DOK6: variants seen among roughly 807,000 people sequenced by gnomAD.
The protein encoded by DOK6 is docking protein 6.
Under a neutral mutation model 44.0 loss-of-function variants are expected in DOK6, and 22 were observed. The ratio of observed to expected loss-of-function variants is 0.50; its 90% confidence interval spans 0.36 to 0.71. DOK6 has a LOEUF of 0.71. Ranked by LOEUF, DOK6 falls within the 30% of genes least tolerant of loss-of-function variation. The pLI, the probability that DOK6 is intolerant of heterozygous loss-of-function variation, is 0.00. For missense variants in DOK6, 340 were observed against 416.4 expected, an observed-to-expected ratio of 0.82 and a Z score of 1.60; for synonymous variants, 166 against 145.5, an observed-to-expected ratio of 1.14 and a Z score of -1.01.
At chr18:69,509,562 C>G (rs546193854) in intron 1 of DOK6, among the ~76,000 whole-genome samples, 7 of 134,726 alleles carry the variant, frequency 5.2e-5, no homozygotes, top group African/African-American at 2.0e-4. Context: ...GGCGTGAACC[C>G]GGGAGGTGGA....
intron 7 of DOK6, among the ~76,000 whole-genome samples, chr18:69,809,536 A>G (rs909823413): frequency 6.7e-6 from 1 of 149,986 alleles, no homozygotes; most frequent in African/African-American, 2.5e-5. Context: ...GATCTTATAT[A>G]TAGAAAACCC....
At chr18:69,413,379 C>A (rs1326007399) in intron 1 of DOK6, among the ~76,000 whole-genome samples, 1 of 152,036 alleles carries the variant, frequency 6.6e-6, no homozygotes, top group Non-Finnish European at 1.5e-5. Context: ...TCTGTTCAAA[C>A]ATGGGGATTT....
At chr18:69,707,308 C>T (rs1387190690) in intron 5 of DOK6, among the ~76,000 whole-genome samples, 2 of 152,218 alleles carry the variant, frequency 1.3e-5, no homozygotes, top group African/African-American at 4.8e-5. Flanking sequence ...CTACCAATGA[C>T]TTTCTTCACA....
At chr18:69,782,167 T>C (rs1182047387) in intron 7 of DOK6, among the ~76,000 whole-genome samples, 1 of 151,686 alleles carries the variant, frequency 6.6e-6, no homozygotes, top group Non-Finnish European at 1.5e-5. Context: ...GTGACCAGAG[T>C]TTTTTAAATC....
intron 6 of DOK6, among the ~76,000 whole-genome samples, chr18:69,755,864 AATTT>A (rs780961009): frequency 2.0e-5 from 3 of 152,210 alleles, no homozygotes; most frequent in Non-Finnish European, 2.9e-5. Context: ...AGGAAAGCAG[AATTT>A]ATTAAGCAAA....
intron 1 of DOK6, among the ~76,000 whole-genome samples, chr18:69,553,380 A>G (rs532116791): frequency 3.9e-5 from 6 of 152,316 alleles, no homozygotes; most frequent in Admixed American, 3.3e-4. Flanking sequence ...TCATTGTTGA[A>G]GTGTATGTTT....
chr18:69,592,103 AAC>A (rs967479144), intron 2 of DOK6, among the ~76,000 whole-genome samples: 4 of 152,054 alleles, frequency 2.6e-5, no homozygotes, highest in Non-Finnish European at 4.4e-5. Context: ...TTATTTTTTA[AAC>A]ACATAATAAA....
chr18:69,533,378 T>A (rs942327438), intron 1 of DOK6, among the ~76,000 whole-genome samples: 2 of 152,250 alleles, frequency 1.3e-5, no homozygotes, highest in Non-Finnish European at 2.9e-5. Context: ...TGTCATGTCC[T>A]CTATAATACA....
intron 5 of DOK6, among the ~76,000 whole-genome samples, chr18:69,722,593 G>A (rs547612888): frequency 4.6e-4 from 70 of 152,326 alleles, no homozygotes; most frequent in African/African-American, 1.5e-3. Context: ...TCAAGGTCAC[G>A]TAAGTCATTA....
intron 1 of DOK6, among the ~76,000 whole-genome samples, chr18:69,527,107 T>C (rs1981851408): frequency 6.6e-6 from 1 of 152,198 alleles, no homozygotes; most frequent in Non-Finnish European, 1.5e-5. Context: ...TAAAACAACT[T>C]TATCGATTAG....
chr18:69,725,676 CAG>C (rs964844267), intron 5 of DOK6, among the ~76,000 whole-genome samples: 5 of 152,058 alleles, frequency 3.3e-5, no homozygotes, highest in African/African-American at 1.2e-4. Context: ...TTAGTAGAGA[CAG>C]AGTTTCACCA....
chr18:69,824,251 T>G (rs1275470289), intron 7 of DOK6, among the ~76,000 whole-genome samples: 3 of 139,812 alleles, frequency 2.1e-5, no homozygotes, highest in Non-Finnish European at 3.1e-5. Context: ...TGTGTCCATG[T>G]GTTCTCATTG....
intron 7 of DOK6, among the ~76,000 whole-genome samples, chr18:69,797,149 G>T (rs781035347): frequency 3.3e-5 from 5 of 152,026 alleles, no homozygotes; most frequent in African/African-American, 9.7e-5. Flanking sequence ...CACAAAACCT[G>T]CCCCAAATGA....
At chr18:69,734,978 C>A (rs1978554715) in intron 5 of DOK6, among the ~76,000 whole-genome samples, 1 of 152,186 alleles carries the variant, frequency 6.6e-6, no homozygotes, top group Admixed American at 6.5e-5. Flanking sequence ...GTAATATTTT[C>A]TCCAGAAAAT....
intron 4 of DOK6, among the ~76,000 whole-genome samples, chr18:69,679,171 A>G (rs1315661074): frequency 1.3e-5 from 2 of 152,122 alleles, no homozygotes; most frequent in East Asian, 3.9e-4. Context: ...GTGAGGCCAT[A>G]TCTCAAAAAA....
At chr18:69,644,198 A>T (rs1985013684) in intron 3 of DOK6, among the ~76,000 whole-genome samples, 1 of 152,166 alleles carries the variant, frequency 6.6e-6, no homozygotes, top group African/African-American at 2.4e-5. Context: ...CCCTTAGTCT[A>T]TAGCCTGTAT....
At chr18:69,423,973 A>G (rs1455012752) in intron 1 of DOK6, among the ~76,000 whole-genome samples, 1 of 152,178 alleles carries the variant, frequency 6.6e-6, no homozygotes, top group Non-Finnish European at 1.5e-5. Context: ...CTATTGAATT[A>G]CGTAGCTTCA....
At chr18:69,479,183 T>C (rs568200135) in intron 1 of DOK6, among the ~76,000 whole-genome samples, 1 of 152,064 alleles carries the variant, frequency 6.6e-6, no homozygotes, top group Non-Finnish European at 1.5e-5. Flanking sequence ...AATAGGGTAT[T>C]TGCCAGAGGG....
intron 2 of DOK6, among the ~76,000 whole-genome samples, chr18:69,585,131 A>G (rs1026941434): frequency 2.0e-5 from 3 of 151,834 alleles, no homozygotes; most frequent in Non-Finnish European, 2.9e-5. Context: ...CTTTGCTGTC[A>G]ACCTGTTTTG....
Sources: allele counts gnomAD v4.1 joint callset (sites outside exome capture counted in the v4.1 genomes callset), GRCh38; gene constraint gnomAD v4.1.1; transcripts MANE v1.5; gene names NCBI Gene and HGNC (gene_info 2026-07-23, HGNC 2026-07-21).